AFF1: variants seen among roughly 807,000 people sequenced by gnomAD.
AFF1 encodes the protein ALF transcription elongation factor 1.
A neutral mutation model predicts 121.7 loss-of-function variants in AFF1; 48 were observed. The ratio of observed to expected loss-of-function variants is 0.39; its 90% CI spans 0.31 to 0.50. The LOEUF (loss-of-function observed/expected upper bound fraction) is 0.50. Among genes scored for constraint, AFF1 ranks in the 20% least tolerant of loss-of-function variants. The probability of loss-of-function intolerance (pLI) is 0.76; values close to 1 mark genes in which losing one functional copy is unlikely to be tolerated. For synonymous variants in AFF1, 613 were observed against 563.0 expected (o/e 1.09, Z -1.26); for missense variants, 1,523 against 1,511.7 (o/e 1.01, Z -0.12).
Position 87,126,185 on chromosome 4 carries a change from C to T in AFF1, c.2660C>T (p.Pro887Leu), listed in dbSNP as rs994099617. 2 of 1,614,058 alleles carry T rather than the reference C, an allele frequency of 1.2e-6. No homozygotes were observed. Among genetic ancestry groups the T allele is most frequent in the African/African-American group, 2.7e-5 (2 of 74,924 alleles). ...VSSSSQKPAKPALKRSRREAD... is the reference protein window; with the variant it reads ...VSSSSQKPAKLALKRSRREAD... ...TCGTCCTCCCAGAAGCCAGCCAAGCCTGCACTTAAGAGGTCAAGGCGGGAA... is the reference window on the plus strand; with the variant it reads ...TCGTCCTCCCAGAAGCCAGCCAAGCTTGCACTTAAGAGGTCAAGGCGGGAA... The change falls in exon 14 of 21, where the codon CCT (proline) becomes CTT (leucine). Residue 887 changes from proline (P) to leucine (L), a missense_variant. Physicochemically the swap from Pro to Leu is moderately conservative, Grantham distance 98 (BLOSUM62 -3). Transcript: ENST00000395146.
chr4:86,956,536 A>G (rs1002112656), intron 2 of AFF1, among the ~76,000 whole-genome samples: 5 of 152,200 alleles, frequency 3.3e-5, no homozygotes, highest in African/African-American at 4.8e-5. Flanking sequence ...AACCATTACT[A>G]CAATCCAGCT....
At chr4:87,031,452 TC>T (rs1368557470) in intron 2 of AFF1, among the ~76,000 whole-genome samples, 2 of 151,770 alleles carry the variant, frequency 1.3e-5, no homozygotes, top group Admixed American at 6.6e-5. Flanking sequence ...TTTTTTTTTT[TC>T]TTTTGTTCCT....
chr4:87,004,548 C>T (rs1004973983), intron 2 of AFF1, among the ~76,000 whole-genome samples: 1 of 152,164 alleles, frequency 6.6e-6, no homozygotes, highest in African/African-American at 2.4e-5. Context: ...CAGCTAGATT[C>T]TCATACAGGT....
At chr4:86,962,972 C>G (rs912785717) in intron 2 of AFF1, among the ~76,000 whole-genome samples, 13 of 151,884 alleles carry the variant, frequency 8.6e-5, no homozygotes, top group African/African-American at 3.1e-4. Flanking sequence ...TCGAGACCAG[C>G]CTGGGCAACA....
chr4:87,108,462 A>C (rs1726150126), intron 11 of AFF1, 147 bp downstream of exon 11: 1 of 856,276 alleles, frequency 1.2e-6, no homozygotes, highest in Non-Finnish European at 1.7e-6. Flanking sequence ...TGCTGTCTAG[A>C]GCCATCTGTT....
chr4:86,949,811 A>T, intron 2 of AFF1: 2 of 1,614,048 alleles, frequency 1.2e-6, no homozygotes, highest in Non-Finnish European at 1.7e-6. Context: ...ACACTGCGTC[A>T]TGATGGCGAA....
chr4:87,007,314 C>T lies in AFF1; in HGVS notation c.39-38852C>T, dbSNP rs1318281449. The T allele has an allele frequency of 5.0e-6, 8 of 1,592,804 alleles. No homozygotes were observed. In the African/African-American group the frequency reaches 5.4e-5, roughly 11 times the overall value. On this transcript the variant is annotated intron_variant, in intron 2 of 20. Coordinates refer to ENST00000395146, the MANE Select transcript of AFF1 (RefSeq NM_001166693.3). ...CGCCGCGCCGGGACGCGTCCCCGCC[C>T]GGCTCCGCCAAATGGTGAGCGCGGC... is the stretch of plus-strand genomic sequence containing the variant.
Position 87,135,763 on chromosome 4 carries a change from C to T in AFF1, c.*62C>T. ...TTTTGCACATTGGAAGCCTCAAAAA[C>T]AGTCCAGACATTTGTTTCATCAGGA... is the stretch of plus-strand genomic sequence containing the variant. On this transcript the variant is annotated 3_prime_UTR_variant, in exon 21 of 21. Transcript: ENST00000395146. The T allele has an allele frequency of 9.1e-6, 14 of 1,540,920 alleles. No individual in the cohort carries two copies. The highest frequency in any genetic ancestry group is 1.2e-5 in the Non-Finnish European group (14 of 1,142,042).
chr4:87,135,877 CTG>C lies in AFF1; in HGVS notation c.*179_*180del, dbSNP rs1314596114. The C allele has an allele frequency of 1.2e-5, 12 of 1,038,868 alleles. No homozygotes were observed. Among genetic ancestry groups the C allele is most frequent in the South Asian group, 2.9e-5 (1 of 34,804 alleles). The allele number at this position is 1,038,868 out of a possible 1,614,324, so 64.4% of individuals were successfully genotyped here. A position where few individuals can be genotyped will look rare whatever the true frequency, so the allele number is the denominator to read the frequency against. On this transcript the variant is annotated 3_prime_UTR_variant, in exon 21 of 21. Transcript: ENST00000395146. ...CAACAGTGTGATCATTGGTTGGACA[CTG>C]TGGTTATGCAGAAGCAGAGATGAGG...
At position 87,136,954 on chromosome 4, in the gene AFF1, G is replaced by C. The variant is rs1042742252; in HGVS notation, c.*1253G>C. On this transcript the variant is annotated 3_prime_UTR_variant, in exon 21 of 21. Transcript: ENST00000395146. ...GAGTGTTCTCAGCTAGATTTGATTT[G>C]GTTGAGGAGGAACTGTGGCCCTCCG... 2 of 220,854 alleles carry C rather than the reference G, an allele frequency of 9.1e-6. No individual in the cohort carries two copies. Among genetic ancestry groups the C allele is most frequent in the Admixed American group, 5.8e-5 (1 of 17,314 alleles). 13.7% of individuals were successfully genotyped at this position (220,854 alleles called of 1,614,324 possible).
intron 3 of AFF1, 70 bp from the exon 4 acceptor site, chr4:87,046,625 T>C (rs1428236078): frequency 6.8e-7 from 1 of 1,466,460 alleles, no homozygotes; most frequent in Non-Finnish European, 9.2e-7. Context: ...AATAGTATTA[T>C]ATAACGTGGT....
At position 87,105,617 on chromosome 4, in the gene AFF1, G is replaced by T. The variant is rs1426800774; in HGVS notation, c.1284-11G>T. On this transcript the variant is annotated splice_polypyrimidine_tract_variant and intron_variant, in intron 8 of 20. Coordinates refer to ENST00000395146, the MANE Select transcript of AFF1 (RefSeq NM_001166693.3). Reference sequence around the variant, plus strand: ...CACATTCATTCTTCTCTGTGTCCCTGCCCATTCCAGCATGCTCGAAGACGA... The same window carrying T: ...CACATTCATTCTTCTCTGTGTCCCTTCCCATTCCAGCATGCTCGAAGACGA... 1 of 1,614,028 alleles carries T rather than the reference G, an allele frequency of 6.2e-7. No individual in the cohort carries two copies. Among genetic ancestry groups the T allele is most frequent in the Non-Finnish European group, 8.5e-7 (1 of 1,180,024 alleles).
At position 87,111,308 on chromosome 4, in the gene AFF1, C is replaced by T. The variant is rs1479686153; in HGVS notation, c.1533+2993C>T. 3.4e-5 allele frequency among the ~76,000 whole-genome samples: 5 copies of T among 149,020 alleles called. 2 individuals carry two copies. Among genetic ancestry groups the T allele is most frequent in the Non-Finnish European group, 7.4e-5 (5 of 67,252 alleles). On this transcript the variant is annotated intron_variant, in intron 11 of 20. Coordinates refer to ENST00000395146, the MANE Select transcript of AFF1 (RefSeq NM_001166693.3). Reference sequence around the variant, plus strand: ...CTGGGATTACAGGCGTGAGCCACCGCGCCCGGCCTTACTTAAACTTTATTT... The same window carrying T: ...CTGGGATTACAGGCGTGAGCCACCGTGCCCGGCCTTACTTAAACTTTATTT...
At chr4:87,104,970 A>T (rs185041206) in intron 8 of AFF1, among the ~76,000 whole-genome samples, 86 of 152,336 alleles carry the variant, frequency 5.6e-4, no homozygotes, top group South Asian at 3.5e-3. Flanking sequence ...CACATAGGCA[A>T]AAGAGAATAA....
At chr4:86,951,766 C>T (rs1039377782) in intron 2 of AFF1, among the ~76,000 whole-genome samples, 42 of 151,760 alleles carry the variant, frequency 2.8e-4, no homozygotes, top group Middle Eastern at 3.4e-3. Context: ...GGACTACAGG[C>T]ACACCATGCC....
At chr4:87,105,752 C>G (rs1725850593) in intron 9 of AFF1, 56 bp from the exon 10 acceptor site, 13 of 1,613,736 alleles carry the variant, frequency 8.1e-6, no homozygotes, top group Non-Finnish European at 9.3e-6. Flanking sequence ...GCTGCTTGTT[C>G]TAACCTGTTT....
intron 12 of AFF1, among the ~76,000 whole-genome samples, chr4:87,115,870 G>A (rs1322962574): frequency 6.6e-6 from 1 of 151,942 alleles, no homozygotes; most frequent in Non-Finnish European, 1.5e-5. Context: ...CTCTGCCTCT[G>A]CCTCCCAAAG....
In AFF1 at chr4:86,983,820, G is replaced by A. The variant is rs562117215; in HGVS notation, c.38+35249G>A. On this transcript the variant is annotated intron_variant, in intron 2 of 20. Coordinates refer to ENST00000395146, the MANE Select transcript of AFF1 (RefSeq NM_001166693.3). ...TGGGAGGCCGAGGCAGGTGGATCAC[G>A]AGGTCAAGAGATCGAGACCATCCTG... 6.6e-5 allele frequency among the ~76,000 whole-genome samples: 10 copies of A among 152,002 alleles called. No homozygotes were observed. In the East Asian group the frequency reaches 1.7e-3, roughly 27 times the overall value.
At chr4:87,046,584 T>A (rs1730713759) in intron 3 of AFF1, 111 bp from the exon 4 acceptor site, 1 of 1,172,730 alleles carries the variant, frequency 8.5e-7, no homozygotes, top group African/African-American at 1.5e-5. Context: ...AAATTCTACA[T>A]GTCGTACATT....
Sources: gnomAD v4.1 joint callset for allele counts (sites outside exome capture counted in the v4.1 genomes callset) on GRCh38, gnomAD v4.1.1 for gene constraint, MANE v1.5 for transcripts, NCBI Gene and HGNC (gene_info 2026-07-23, HGNC 2026-07-21) for gene names.